The following THSD7B variants were observed in gnomAD, a reference collection of about 807,000 sequenced individuals.
THSD7B encodes the protein thrombospondin type 1 domain containing 7B.
Under a neutral mutation model 213.6 loss-of-function variants are expected in THSD7B, and 138 were observed. The observed-to-expected ratio is 0.65, with a 90% confidence interval of 0.56 to 0.74. The LOEUF (loss-of-function observed/expected upper bound fraction) is 0.74. THSD7B is among the 30% of genes least tolerant of loss of function. The pLI is 0.00. For missense variants in THSD7B, 1,931 were observed against 1,991.5 expected (o/e 0.97, Z 0.58); for synonymous variants, 742 against 687.0 (o/e 1.08, Z -1.25).
chr2:136,912,168 A>C (rs1247288181), intron 2 of THSD7B, among the ~76,000 whole-genome samples: 1 of 151,820 alleles, frequency 6.6e-6, no homozygotes, highest in Admixed American at 6.6e-5. Flanking sequence ...CTAAAAATAC[A>C]AAAATTAGCC....
chr2:136,977,801 GTTTT>G (rs56053958), intron 2 of THSD7B, among the ~76,000 whole-genome samples: 3 of 106,010 alleles, frequency 2.8e-5, no homozygotes, highest in Admixed American at 9.8e-5. Flanking sequence ...TCTTTTCTTT[GTTTT>G]TTTTTTTTTT....
chr2:137,462,346 C>T (rs1687901844), intron 15 of THSD7B, among the ~76,000 whole-genome samples: 1 of 152,016 alleles, frequency 6.6e-6, no homozygotes, highest in African/African-American at 2.4e-5. Flanking sequence ...AATGTAACAG[C>T]ATTCACTCAC....
rs190894691 is a variant in THSD7B, at chr2:137,282,934, C to A, written c.2500+6908C>A. ...AACTTTAAAGTAGTTTTTTTCAATT[C>A]TGTGAAGAAAGTCATTGGTAGCTTG... On this transcript the variant is annotated intron_variant, in intron 12 of 27. Transcript: ENST00000409968. Among the ~76,000 whole-genome samples the A allele has an allele frequency of 4.0e-4, 61 of 151,978 alleles. No homozygotes were observed. In the East Asian group the frequency reaches 0.011, roughly 28 times the overall value.
rs979037163 is a variant in THSD7B, at chr2:137,131,177, C to G, written c.1369+15884C>G. Reference sequence around the variant, plus strand: ...TGTTTTTTGGCTGCATAAGTGTCTTCTTTTGAGAAGTGTCTGTTCATGTCC... The same window carrying G: ...TGTTTTTTGGCTGCATAAGTGTCTTGTTTTGAGAAGTGTCTGTTCATGTCC... On this transcript the variant is annotated intron_variant, in intron 5 of 27. Coordinates refer to ENST00000409968, the MANE Select transcript of THSD7B (RefSeq NM_001316349.2). 8.9e-5 allele frequency among the ~76,000 whole-genome samples: 13 copies of G among 145,958 alleles called. No individual in the cohort carries two copies. In the South Asian group the frequency reaches 1.3e-3, roughly 15 times the overall value.
intron 1 of THSD7B, among the ~76,000 whole-genome samples, chr2:136,840,223 A>G (rs1017005985): frequency 6.6e-5 from 10 of 152,078 alleles, no homozygotes; most frequent in Non-Finnish European, 1.3e-4. Context: ...TACTAAAAAT[A>G]CAAAAATTAG....
intron 1 of THSD7B, among the ~76,000 whole-genome samples, chr2:136,818,932 C>T (rs957745030): frequency 1.1e-4 from 17 of 152,110 alleles, no homozygotes; most frequent in African/African-American, 3.9e-4. Flanking sequence ...AATATCCTAG[C>T]ATCTCAGTGG....
chr2:137,010,559 T>C (rs1420892385), intron 2 of THSD7B, among the ~76,000 whole-genome samples: 2 of 152,200 alleles, frequency 1.3e-5, no homozygotes, highest in Non-Finnish European at 2.9e-5. Flanking sequence ...GGCTGGCCTG[T>C]AAGGTGTGTA....
intron 1 of THSD7B, among the ~76,000 whole-genome samples, chr2:136,810,944 A>G (rs150251916): frequency 0.017 from 2,564 of 152,256 alleles, 38 homozygotes; most frequent in South Asian, 0.028. Context: ...GGGGTGGTAG[A>G]TCCTGCTGAG....
chr2:137,592,282 T>C (rs1197106558), intron 17 of THSD7B, among the ~76,000 whole-genome samples: 1 of 151,906 alleles, frequency 6.6e-6, no homozygotes, highest in African/African-American at 2.4e-5. Flanking sequence ...CCTCAAATTT[T>C]TTGTATTTTG....
intron 2 of THSD7B, among the ~76,000 whole-genome samples, chr2:137,031,152 T>G (rs1225191167): frequency 1.3e-5 from 2 of 152,086 alleles, no homozygotes; most frequent in African/African-American, 4.8e-5. Flanking sequence ...GAGACCAGCC[T>G]GGCCAACATG....
intron 15 of THSD7B, among the ~76,000 whole-genome samples, chr2:137,497,848 G>T (rs1353663852): frequency 6.6e-6 from 1 of 152,108 alleles, no homozygotes; most frequent in Admixed American, 6.5e-5. Context: ...CTTTAAGAGG[G>T]TAAACTAATA....
chr2:137,367,785 AGT>A (rs1274411497), intron 12 of THSD7B, among the ~76,000 whole-genome samples: 1 of 152,052 alleles, frequency 6.6e-6, no homozygotes, highest in Non-Finnish European at 1.5e-5. Context: ...GCCTTTCCTC[AGT>A]GTGTGCGTTC....
At chr2:136,984,798 A>C (rs938976219) in intron 2 of THSD7B, among the ~76,000 whole-genome samples, 2 of 152,190 alleles carry the variant, frequency 1.3e-5, no homozygotes, top group African/African-American at 4.8e-5. Flanking sequence ...GGGACTGTTA[A>C]ATAGTTGTGA....
chr2:136,879,736 G>A (rs752608245), intron 1 of THSD7B, among the ~76,000 whole-genome samples: 8 of 152,052 alleles, frequency 5.3e-5, no homozygotes, highest in Non-Finnish European at 1.2e-4. Flanking sequence ...CATGTGCAGA[G>A]ACACACATAG....
intron 2 of THSD7B, among the ~76,000 whole-genome samples, chr2:136,971,637 A>AACACAC (rs1553461524): frequency 4.3e-5 from 1 of 23,244 alleles, no homozygotes; most frequent in East Asian, 1.3e-3. Context: ...AACAACAACA[A>AACACAC]ATACACACAC....
chr2:137,471,813 G>A (rs1361142808), intron 15 of THSD7B, among the ~76,000 whole-genome samples: 2 of 152,158 alleles, frequency 1.3e-5, no homozygotes, highest in East Asian at 1.9e-4. Flanking sequence ...GTCGCTGGAC[G>A]AGGGTCAGAA....
At chr2:137,460,677 GTGTGTAATTC>G (rs1224843402) in intron 15 of THSD7B, among the ~76,000 whole-genome samples, 1 of 151,994 alleles carries the variant, frequency 6.6e-6, no homozygotes, top group African/African-American at 2.4e-5. Flanking sequence ...CTTCCCATGA[GTGTGTAATTC>G]TTTGGCCCTT....
chr2:137,321,170 A>G (rs1684257745), intron 12 of THSD7B, among the ~76,000 whole-genome samples: 1 of 152,212 alleles, frequency 6.6e-6, no homozygotes, highest in Non-Finnish European at 1.5e-5. Context: ...TAGCCTTATA[A>G]AAATTATTCT....
chr2:137,442,452 A>C (rs1425324844), intron 14 of THSD7B, among the ~76,000 whole-genome samples: 2 of 151,890 alleles, frequency 1.3e-5, no homozygotes, highest in African/African-American at 4.8e-5. Flanking sequence ...GATTACTTCA[A>C]AGTCTCGGTG....
Sources: allele counts gnomAD v4.1 joint callset (sites outside exome capture counted in the v4.1 genomes callset), GRCh38; gene constraint gnomAD v4.1.1; transcripts MANE v1.5; gene names NCBI Gene and HGNC (gene_info 2026-07-23, HGNC 2026-07-21).